The following SLIT2 variants were observed in gnomAD, a reference collection of about 807,000 sequenced individuals.
The protein encoded by SLIT2 is slit guidance ligand 2.
SLIT2 carries 41 observed loss-of-function variants against 185.7 expected under a neutral mutation model. That is an observed-to-expected ratio of 0.22 (90% CI 0.17 to 0.29). SLIT2 has a LOEUF of 0.29. Ranked by LOEUF, SLIT2 falls within the 10% of genes least tolerant of loss-of-function variation. SLIT2 has a pLI of 1.00. For missense variants in SLIT2, 1,571 were observed against 1,909.0 expected, an observed-to-expected ratio of 0.82 and a Z score of 3.30; for synonymous variants, 693 against 680.2, an observed-to-expected ratio of 1.02 and a Z score of -0.29.
chr4:20,390,025 G>C (rs1168115871), intron 4 of SLIT2, among the ~76,000 whole-genome samples: 3 of 152,020 alleles, frequency 2.0e-5, no homozygotes, highest in African/African-American at 7.2e-5. Context: ...ATGAGGTTTT[G>C]CTCTATAAGA....
intron 29 of SLIT2, among the ~76,000 whole-genome samples, chr4:20,586,006 G>A (rs1307699763): frequency 6.6e-6 from 1 of 152,158 alleles, no homozygotes; most frequent in African/African-American, 2.4e-5. Flanking sequence ...GAAAACCAGT[G>A]CAGCTTTTAG....
Position 20,254,952 on chromosome 4 carries a change from A to T in SLIT2, c.179+958A>T. On this transcript the variant is annotated intron_variant, in intron 1 of 36. Transcript: ENST00000504154. This position sits in a 1 kb window ranked among gnomAD's most constrained non-coding sequence, Gnocchi z 5.1. ...GTCTCTAATGAAGAAGTAAATGCAGACCCGGTGTTGACGGCCCACGCGCTC... is the reference window on the plus strand; with the variant it reads ...GTCTCTAATGAAGAAGTAAATGCAGTCCCGGTGTTGACGGCCCACGCGCTC... 1 of 456,258 alleles carries T rather than the reference A, an allele frequency of 2.2e-6. No individual in the cohort carries two copies. The highest frequency in any genetic ancestry group is 4.4e-6 in the Non-Finnish European group (1 of 226,968). 28.3% of individuals were successfully genotyped at this position (456,258 alleles called of 1,614,324 possible).
rs1160985126 is a variant in SLIT2 at position 20,410,243 on chromosome 4, C to CTTTTTTTT, written c.396-57493_396-57486dup. On this transcript the variant is annotated intron_variant, in intron 4 of 36. Coordinates refer to ENST00000504154, the MANE Select transcript of SLIT2 (RefSeq NM_004787.4). Reference sequence around the variant, plus strand: ...TGGTTTTTTTTCTTTTCTTTCTTTTCTTTTTTTTTTTTTTTTTTTTTTTGA... The same window carrying CTTTTTTTT: ...TGGTTTTTTTTCTTTTCTTTCTTTTCTTTTTTTTTTTTTTTTTTTTTTTTTTTTTTTGA... 1.6e-3 allele frequency among the ~76,000 whole-genome samples: 109 copies of CTTTTTTTT among 69,056 alleles called. 1 individual carries two copies. Among genetic ancestry groups the CTTTTTTTT allele is most frequent in the Non-Finnish European group, 2.1e-3 (78 of 36,746 alleles). 45.3% of individuals were successfully genotyped at this position (69,056 alleles called of 152,430 possible). A position where few individuals can be genotyped will look rare whatever the true frequency, so the allele number is the denominator to read the frequency against.
At chr4:20,440,578 A>G (rs1482316844) in intron 4 of SLIT2, among the ~76,000 whole-genome samples, 1 of 152,236 alleles carries the variant, frequency 6.6e-6, no homozygotes, top group Non-Finnish European at 1.5e-5. Flanking sequence ...CAACGCAATG[A>G]ATAAAAATGG....
intron 4 of SLIT2, among the ~76,000 whole-genome samples, chr4:20,342,717 CTTTTTTTTTTTT>C (rs11373611): frequency 1.0e-4 from 7 of 69,682 alleles, no homozygotes; most frequent in African/African-American, 4.1e-4. Context: ...GACTATCGCA[CTTTTTTTTTTTT>C]TTTTTTTTTT....
chr4:20,529,139 G>A, intron 16 of SLIT2, 40 bp downstream of exon 16: 1 of 1,481,752 alleles, frequency 6.7e-7, no homozygotes, highest in African/African-American at 1.4e-5. Flanking sequence ...TGGGATGGAG[G>A]GAATGAAAGC....
rs796198415 is a variant in SLIT2, at chr4:20,536,573, A to C, written c.1832+2858A>C. ...AACTCTGTCGCAAAAAAAAAAAAAA[A>C]AAAAAACAAAAACCACTGTACAACT... On this transcript the variant is annotated intron_variant, in intron 18 of 36. Transcript: ENST00000504154. Among the ~76,000 whole-genome samples, 689 of 150,800 alleles carry C rather than the reference A, an allele frequency of 4.6e-3. 8 individuals carry two copies. Among genetic ancestry groups the C allele is most frequent in the African/African-American group, 0.016 (654 of 41,094 alleles).
Position 20,371,360 on chromosome 4 carries a change from C to A in SLIT2, c.396-96392C>A, listed in dbSNP as rs536990992. On this transcript the variant is annotated intron_variant, in intron 4 of 36. Coordinates refer to ENST00000504154, the MANE Select transcript of SLIT2 (RefSeq NM_004787.4). ...ACTCCACCACACACACACCCACTCA[C>A]ATTCACACACACTTTTGAGTGTTGT... Among the ~76,000 whole-genome samples the A allele has an allele frequency of 2.0e-5, 3 of 152,230 alleles. No homozygotes were observed. The East Asian group carries it at 5.8e-4, about 29-fold the overall frequency.
rs757377457 is a variant in SLIT2, at chr4:20,253,790, G to A, written c.-26G>A. ...CAAGCTAAAGAAAGCCCCCAGTGCC[G>A]GCGAGGAAGGAGGCGGCGGGGAAAG... is the stretch of plus-strand genomic sequence containing the variant. On this transcript the variant is annotated 5_prime_UTR_variant, in exon 1 of 37. Transcript: ENST00000504154. 2.5e-6 allele frequency: 4 copies of A among 1,595,578 alleles called. No homozygotes were observed. The highest frequency in any genetic ancestry group is 3.3e-5 in the Admixed American group (2 of 59,888).
At chr4:20,581,586 C>A (rs924829679) in intron 29 of SLIT2, among the ~76,000 whole-genome samples, 2 of 152,138 alleles carry the variant, frequency 1.3e-5, no homozygotes, top group Non-Finnish European at 2.9e-5. Flanking sequence ...CTTATTCAGT[C>A]CATCACAAAG....
intron 4 of SLIT2, among the ~76,000 whole-genome samples, chr4:20,407,724 T>C (rs753256976): frequency 7.2e-5 from 11 of 152,192 alleles, no homozygotes; most frequent in Non-Finnish European, 1.6e-4. Context: ...TGGAAGTGAT[T>C]TCAGCAAAAT....
intron 4 of SLIT2, among the ~76,000 whole-genome samples, chr4:20,308,386 G>T (rs1033246682): frequency 6.6e-6 from 1 of 152,194 alleles, no homozygotes; most frequent in Non-Finnish European, 1.5e-5. Flanking sequence ...GACAACAGAG[G>T]TTTATAGTAT....
intron 4 of SLIT2, among the ~76,000 whole-genome samples, chr4:20,282,326 G>A (rs1714853864): frequency 1.3e-5 from 2 of 152,070 alleles, no homozygotes. Flanking sequence ...ATTCAAGTGT[G>A]GGTAAACATG....
intron 20 of SLIT2, among the ~76,000 whole-genome samples, chr4:20,542,250 A>G (rs1163847124): frequency 2.0e-5 from 3 of 152,174 alleles, no homozygotes; most frequent in Non-Finnish European, 4.4e-5. Context: ...TTTCCATTGT[A>G]TTGGTAATTG....
chr4:20,350,499 C>T (rs1323884663), intron 4 of SLIT2, among the ~76,000 whole-genome samples: 2 of 151,916 alleles, frequency 1.3e-5, no homozygotes, highest in East Asian at 3.9e-4. Context: ...CATAAGATCC[C>T]GCATCATCTG....
intron 4 of SLIT2, among the ~76,000 whole-genome samples, chr4:20,431,645 CAGAG>C (rs1019011453): frequency 3.9e-5 from 6 of 152,280 alleles, no homozygotes; most frequent in South Asian, 2.1e-4. Flanking sequence ...TCTACAGAGA[CAGAG>C]AGAGAGTGCT....
intron 18 of SLIT2, among the ~76,000 whole-genome samples, chr4:20,536,245 C>T (rs1158734173): frequency 6.6e-6 from 1 of 152,054 alleles, no homozygotes; most frequent in African/African-American, 2.4e-5. Context: ...TTACTGTACA[C>T]TAACATAGGC....
At chr4:20,421,625 T>C (rs1431727707) in intron 4 of SLIT2, among the ~76,000 whole-genome samples, 4 of 152,194 alleles carry the variant, frequency 2.6e-5, no homozygotes, top group Admixed American at 2.6e-4. Flanking sequence ...GAAGTATCGA[T>C]ATTCCCTTCT....
In SLIT2 at chr4:20,379,839, G is replaced by A. The variant is rs552210166; in HGVS notation, c.396-87913G>A. 9.9e-5 allele frequency among the ~76,000 whole-genome samples: 15 copies of A among 152,188 alleles called. No individual in the cohort carries two copies. In the South Asian group the frequency reaches 2.1e-3, roughly 21 times the overall value. ...TCGGGAAGGAATTTCAAAACAGTGC[G>A]GGGAAGGGGAGCCCAAACAGAGGTG... On this transcript the variant is annotated intron_variant, in intron 4 of 36. Transcript: ENST00000504154.
Sources: allele counts gnomAD v4.1 joint callset (sites outside exome capture counted in the v4.1 genomes callset), GRCh38; gene constraint gnomAD v4.1.1; non-coding constraint Gnocchi (gnomAD v3.1); transcripts MANE v1.5; gene names NCBI Gene and HGNC (gene_info 2026-07-23, HGNC 2026-07-21).